Variants in SEPTIN2 observed in about 807,000 individuals in gnomAD.
SEPTIN2 encodes the protein septin 2.
In SEPTIN2, 34 loss-of-function variants were observed where a neutral mutation model predicts 46.5. That is an observed-to-expected ratio of 0.73 (90% CI 0.56 to 0.97). The LOEUF (loss-of-function observed/expected upper bound fraction) is 0.97. Among genes scored for constraint, SEPTIN2 ranks in the 50% least tolerant of loss-of-function variants. The pLI, the probability that SEPTIN2 is intolerant of heterozygous loss-of-function variation, is 0.00. For missense variants in SEPTIN2, 347 were observed against 448.4 expected (o/e 0.77, Z 2.04); for synonymous variants, 175 against 153.4 (o/e 1.14, Z -1.04).
intron 10 of SEPTIN2, among the ~76,000 whole-genome samples, chr2:241,347,171 A>G (rs2060325667): frequency 6.6e-6 from 1 of 152,054 alleles, no homozygotes; most frequent in Non-Finnish European, 1.5e-5. Context: ...CCTTGAGCCC[A>G]GTAGGTCCAG....
intron 3 of SEPTIN2, among the ~76,000 whole-genome samples, chr2:241,329,039 G>C (rs1462829862): frequency 6.6e-6 from 1 of 152,110 alleles, no homozygotes; most frequent in South Asian, 2.1e-4. Flanking sequence ...AAAAAAGGTA[G>C]AGATTTAAAA....
At chr2:241,350,317 C>G (rs1171324653) in intron 12 of SEPTIN2, 114 bp downstream of exon 12, 8 of 481,178 alleles carry the variant, frequency 1.7e-5, no homozygotes, top group African/African-American at 1.6e-4. Context: ...TGAAGTAACT[C>G]CATCACTAAT....
chr2:241,332,785 A>G (rs1343760289), intron 3 of SEPTIN2, among the ~76,000 whole-genome samples: 2 of 152,262 alleles, frequency 1.3e-5, no homozygotes, highest in African/African-American at 2.4e-5. Context: ...ATTGCCAAGC[A>G]CTACAAAGAA....
chr2:241,345,196 T>C (rs973110115), intron 9 of SEPTIN2, among the ~76,000 whole-genome samples: 1 of 152,136 alleles, frequency 6.6e-6, no homozygotes, highest in African/African-American at 2.4e-5. Context: ...GAATGACTGA[T>C]GTGGATAAAT....
intron 3 of SEPTIN2, among the ~76,000 whole-genome samples, chr2:241,327,099 C>G (rs974795940): frequency 7.6e-6 from 1 of 131,930 alleles, no homozygotes; most frequent in Non-Finnish European, 1.6e-5. Flanking sequence ...TACAGTGTAA[C>G]ATTCACAATG....
intron 10 of SEPTIN2, among the ~76,000 whole-genome samples, chr2:241,346,812 A>G (rs191396939): frequency 7.2e-5 from 11 of 152,188 alleles, no homozygotes; most frequent in Non-Finnish European, 1.3e-4. Context: ...TTCTCCTTCA[A>G]AAGCATCACT....
Position 241,337,697 on chromosome 2 carries a change from T to G in SEPTIN2, c.501T>G (p.Phe167Leu), listed in dbSNP as rs1399010614. 1 of 1,614,018 alleles carries G rather than the reference T, an allele frequency of 6.2e-7. No homozygotes were observed. The highest frequency in any genetic ancestry group is 1.7e-5 in the Admixed American group (1 of 60,010). The change falls in exon 7 of 13, where the codon TTT becomes TTG. Residue 167 changes from phenylalanine (F) to leucine (L), a missense_variant. Phe to Leu is a conservative substitution (Grantham distance 22). Coordinates refer to ENST00000391971, the MANE Select transcript of SEPTIN2 (RefSeq NM_004404.5). ...GHGLKPLDVA[F>L]MKAIHNKVNI... ...GACTTAAGCCCTTAGATGTGGCGTT[T>G]ATGAAGGCAATACACAACAAGGTGA...
chr2:241,342,335 G>A (rs2081362413), intron 7 of SEPTIN2, among the ~76,000 whole-genome samples: 2 of 151,024 alleles, frequency 1.3e-5, no homozygotes, highest in East Asian at 1.9e-4. Context: ...TCTCATGCCT[G>A]TAGCTTCTCT....
Position 241,346,379 on chromosome 2 carries a change from AT to A in SEPTIN2, c.926+131del. On this transcript the variant is annotated intron_variant, in intron 10 of 12. Coordinates refer to ENST00000391971, the MANE Select transcript of SEPTIN2 (RefSeq NM_004404.5). Reference sequence around the variant, plus strand: ...TTTGGTTTCCTACTCAAAAGTTATTATAAAAGAGTTGTTAATTTAATCAAAT... The same window carrying A: ...TTTGGTTTCCTACTCAAAAGTTATTAAAAAGAGTTGTTAATTTAATCAAAT... 3 of 579,592 alleles carry A rather than the reference AT, an allele frequency of 5.2e-6. 1 individual carries two copies. The South Asian group carries it at 8.5e-5, about 16-fold the overall frequency. 35.9% of individuals were successfully genotyped at this position (579,592 alleles called of 1,614,324 possible).
At chr2:241,323,736 C>A (rs1040875832) in intron 1 of SEPTIN2, among the ~76,000 whole-genome samples, 16 of 152,112 alleles carry the variant, frequency 1.1e-4, no homozygotes, top group Non-Finnish European at 4.4e-5. Flanking sequence ...GATTAGCGCT[C>A]CCAGGGTGGG....
chr2:241,336,119 G>A (rs2079931427), intron 5 of SEPTIN2, 21 bp downstream of exon 5: 1 of 1,610,688 alleles, frequency 6.2e-7, no homozygotes, highest in East Asian at 2.2e-5. Context: ...CCATGCCCAG[G>A]GATCTGCATT....
chr2:241,339,078 T>C (rs2080886485), intron 7 of SEPTIN2, among the ~76,000 whole-genome samples: 1 of 135,770 alleles, frequency 7.4e-6, no homozygotes, highest in South Asian at 2.1e-4. Context: ...ATAAATATAA[T>C]ATACATATAT....
intron 3 of SEPTIN2, among the ~76,000 whole-genome samples, chr2:241,326,632 G>A (rs1448993192): frequency 6.8e-6 from 1 of 146,332 alleles, no homozygotes; most frequent in Non-Finnish European, 1.5e-5. Context: ...TCTAAGACTA[G>A]GTCATAAAAG....
chr2:241,342,764 C>G (rs1446465605), intron 7 of SEPTIN2, among the ~76,000 whole-genome samples: 1 of 152,032 alleles, frequency 6.6e-6, no homozygotes, highest in Non-Finnish European at 1.5e-5. Context: ...TCTCCATCTC[C>G]TGACCTTGTG....
At chr2:241,318,919 A>T (rs1239198072) in intron 1 of SEPTIN2, among the ~76,000 whole-genome samples, 1 of 151,950 alleles carries the variant, frequency 6.6e-6, no homozygotes, top group Non-Finnish European at 1.5e-5. Flanking sequence ...GATGGTCTCA[A>T]TCTTTTGACC....
chr2:241,335,890 G>C (rs1429039292), intron 4 of SEPTIN2, 85 bp from the exon 5 acceptor site: 8 of 1,560,376 alleles, frequency 5.1e-6, no homozygotes, highest in Non-Finnish European at 7.1e-6. Flanking sequence ...AGAGGCAGTA[G>C]ACTCTGAAGT....
intron 7 of SEPTIN2, among the ~76,000 whole-genome samples, chr2:241,339,490 C>T (rs933047603): frequency 3.3e-5 from 5 of 152,066 alleles, no homozygotes; most frequent in East Asian, 1.9e-4. Flanking sequence ...CATAGTAATA[C>T]TATTCTGCCA....
At chr2:241,350,405 T>C (rs1279509226) in intron 12 of SEPTIN2, among the ~76,000 whole-genome samples, 2 of 152,340 alleles carry the variant, frequency 1.3e-5, no homozygotes, top group African/African-American at 2.4e-5. Context: ...ATTTTTCATA[T>C]TTTTGTCTCT....
intron 5 of SEPTIN2, 120 bp from the exon 6 acceptor site, chr2:241,337,262 A>G: frequency 2.1e-6 from 2 of 964,110 alleles, no homozygotes; most frequent in Non-Finnish European, 3.0e-6. Context: ...TTCTGTTCTC[A>G]TCTTGAAAAT....
Sources: allele counts gnomAD v4.1 joint callset (sites outside exome capture counted in the v4.1 genomes callset), GRCh38; gene constraint gnomAD v4.1.1; transcripts MANE v1.5; gene names NCBI Gene and HGNC (gene_info 2026-07-23, HGNC 2026-07-21).